The following FTO variants were observed in gnomAD, a reference collection of about 807,000 sequenced individuals.
FTO encodes the protein FTO alpha-ketoglutarate dependent dioxygenase.
A neutral mutation model predicts 63.9 loss-of-function variants in FTO; 47 were observed. The ratio of observed to expected loss-of-function variants is 0.74; its 90% CI spans 0.58 to 0.94. The LOEUF is 0.94. Ranked by LOEUF, FTO falls within the 40% of genes least tolerant of loss-of-function variation. The pLI is 0.00. For synonymous variants in FTO, 207 were observed against 224.4 expected (o/e 0.92, Z 0.69); for missense variants, 562 against 618.1 (o/e 0.91, Z 0.96).
chr16:53,894,891 A>G (rs1490789239), intron 7 of FTO, among the ~76,000 whole-genome samples: 1 of 152,204 alleles, frequency 6.6e-6, no homozygotes, highest in African/African-American at 2.4e-5. Context: ...ATAAAGAGTC[A>G]TAAGCATCCA....
At chr16:53,732,059 T>G (rs1446422194) in intron 1 of FTO, among the ~76,000 whole-genome samples, 1 of 140,944 alleles carries the variant, frequency 7.1e-6, no homozygotes, top group South Asian at 2.3e-4. Flanking sequence ...TTTTTTTTTT[T>G]TTTTTTTGAG....
intron 8 of FTO, among the ~76,000 whole-genome samples, chr16:54,100,958 G>A (rs1366411034): frequency 1.3e-5 from 2 of 152,094 alleles, no homozygotes; most frequent in African/African-American, 4.8e-5. Context: ...AGATGCCTTT[G>A]AGCTATTTCA....
chr16:54,005,086 A>G (rs1207764133), intron 8 of FTO, among the ~76,000 whole-genome samples: 8 of 149,718 alleles, frequency 5.3e-5, no homozygotes, highest in Middle Eastern at 3.5e-3. Context: ...AAAAAAAAAA[A>G]AAAGAAACAA....
chr16:53,909,623 G>T (rs1188274921), intron 7 of FTO, among the ~76,000 whole-genome samples: 1 of 145,774 alleles, frequency 6.9e-6, no homozygotes. Context: ...GAGTGCAGTG[G>T]TGCAATCATG....
At chr16:53,906,195 G>C (rs1486993370) in intron 7 of FTO, among the ~76,000 whole-genome samples, 1 of 152,140 alleles carries the variant, frequency 6.6e-6, no homozygotes, top group African/African-American at 2.4e-5. Context: ...TTTTTCATCA[G>C]TTAGGTCCCA....
intron 8 of FTO, among the ~76,000 whole-genome samples, chr16:54,058,726 C>T (rs2085501247): frequency 6.6e-6 from 1 of 152,100 alleles, no homozygotes. Context: ...CTTGGCTTTT[C>T]CCCCCACCTC....
intron 8 of FTO, among the ~76,000 whole-genome samples, chr16:54,076,064 C>T (rs1481708709): frequency 6.6e-6 from 1 of 152,126 alleles, no homozygotes; most frequent in African/African-American, 2.4e-5. Context: ...ACAAGCAGGA[C>T]TTAACATCAA....
intron 7 of FTO, among the ~76,000 whole-genome samples, chr16:53,899,838 C>T (rs941628904): frequency 4.6e-5 from 7 of 152,130 alleles, no homozygotes; most frequent in Non-Finnish European, 2.9e-5. Context: ...AAGTCTTTTG[C>T]TAGAACAAAG....
intron 7 of FTO, among the ~76,000 whole-genome samples, chr16:53,929,735 C>T (rs1209840994): frequency 6.6e-6 from 1 of 152,156 alleles, no homozygotes; most frequent in Non-Finnish European, 1.5e-5. Flanking sequence ...TTTCGCAGTG[C>T]CTTGGGGCTT....
At chr16:54,022,660 G>T (rs2084627095) in intron 8 of FTO, among the ~76,000 whole-genome samples, 1 of 151,920 alleles carries the variant, frequency 6.6e-6, no homozygotes, top group South Asian at 2.1e-4. Context: ...GCATTTTGTT[G>T]GACCACTGGG....
chr16:54,051,155 G>T (rs760762181), intron 8 of FTO, among the ~76,000 whole-genome samples: 13 of 152,148 alleles, frequency 8.5e-5, no homozygotes, highest in Non-Finnish European at 1.8e-4. Flanking sequence ...AACTGCTAAC[G>T]GTTACTGCCA....
rs1179384534 is a variant in FTO at position 54,119,553 on chromosome 16, C to T, written c.*7638C>T. The T allele has an allele frequency of 6.6e-6, 1 of 152,004 alleles. No individual in the cohort carries two copies. Among genetic ancestry groups the T allele is most frequent in the African/African-American group, 2.4e-5 (1 of 41,380 alleles). The allele number at this position is 152,004 out of a possible 1,614,324, so 9.4% of individuals were successfully genotyped here. A position where few individuals can be genotyped will look rare whatever the true frequency, so the allele number is the denominator to read the frequency against. The stretch of plus-strand genomic sequence containing the variant: ...TATCCTTCCCTCCTCTGCTCCCAAC[C>T]AGGGTCACGCTGAGAGGGATCTCGG... On this transcript the variant is annotated 3_prime_UTR_variant, in exon 9 of 9. Transcript: ENST00000471389.
At chr16:53,775,807 T>A (rs565460641) in intron 1 of FTO, among the ~76,000 whole-genome samples, 7 of 152,334 alleles carry the variant, frequency 4.6e-5, no homozygotes, top group African/African-American at 1.7e-4. Context: ...ATTTGTTTAT[T>A]CCTTTGATCA....
chr16:54,091,957 T>C (rs2086393760), intron 8 of FTO, among the ~76,000 whole-genome samples: 1 of 152,216 alleles, frequency 6.6e-6, no homozygotes, highest in African/African-American at 2.4e-5. Flanking sequence ...CAGAAAATGT[T>C]GGCAATTAAC....
At chr16:53,931,392 C>T (rs1368044911) in intron 7 of FTO, among the ~76,000 whole-genome samples, 6 of 150,880 alleles carry the variant, frequency 4.0e-5, no homozygotes, top group South Asian at 4.2e-4. Flanking sequence ...CTGCAACCTC[C>T]GCCTCCTGGG....
intron 1 of FTO, among the ~76,000 whole-genome samples, chr16:53,758,905 C>T (rs1335778431): frequency 7.9e-6 from 1 of 126,880 alleles, no homozygotes; most frequent in Non-Finnish European, 1.9e-5. Context: ...AAATCTTATA[C>T]ATTTAAAAAA....
chr16:54,026,974 C>A (rs914621485), intron 8 of FTO, among the ~76,000 whole-genome samples: 2 of 151,946 alleles, frequency 1.3e-5, no homozygotes, highest in Non-Finnish European at 2.9e-5. Flanking sequence ...CACTTTTATC[C>A]CCAAGAGTAG....
chr16:54,082,659 T>C (rs1201845989), intron 8 of FTO, among the ~76,000 whole-genome samples: 1 of 152,182 alleles, frequency 6.6e-6, no homozygotes, highest in African/African-American at 2.4e-5. Flanking sequence ...GGCCTCATAT[T>C]GCTTCTCATA....
intron 8 of FTO, among the ~76,000 whole-genome samples, chr16:53,965,012 G>A (rs1197842100): frequency 1.3e-5 from 2 of 152,164 alleles, no homozygotes; most frequent in African/African-American, 2.4e-5. Flanking sequence ...AAGTTTATGA[G>A]TCATTCACCC....
Sources: gnomAD v4.1 joint callset for allele counts (sites outside exome capture counted in the v4.1 genomes callset) on GRCh38, gnomAD v4.1.1 for gene constraint, MANE v1.5 for transcripts, NCBI Gene and HGNC (gene_info 2026-07-23, HGNC 2026-07-21) for gene names.